The following TBR1 variants were observed in gnomAD, a reference collection of about 807,000 sequenced individuals.
TBR1 encodes the protein T-box brain transcription factor 1.
A neutral mutation model predicts 60.3 loss-of-function variants in TBR1; 7 were observed. That is an observed-to-expected ratio of 0.12 (90% confidence interval 0.07 to 0.22). The LOEUF (loss-of-function observed/expected upper bound fraction) is 0.22, where lower values mean the gene tolerates loss of function less well. TBR1 is among the 10% of genes least tolerant of loss of function. The pLI, the probability that TBR1 is intolerant of heterozygous loss-of-function variation, is 1.00. For missense variants in TBR1, 616 were observed against 936.8 expected (o/e 0.66, Z 4.47); for synonymous variants, 417 against 409.9 (o/e 1.02, Z -0.21).
intron 5 of TBR1, chr2:161,420,657 C>T (rs1202071273): frequency 6.4e-6 from 1 of 155,450 alleles, no homozygotes; most frequent in African/African-American, 2.4e-5. Flanking sequence ...CTATGTCTGT[C>T]TGAAACGGGC....
At chr2:161,419,383 CTCTT>C in intron 4 of TBR1, 1 of 192,922 alleles carries the variant, frequency 5.2e-6, no homozygotes, top group Non-Finnish European at 1.0e-5. Flanking sequence ...AAAAAATTCT[CTCTT>C]TCCTTTAGAA....
chr2:161,417,508 A>T lies in TBR1; in HGVS notation c.693-168A>T. On this transcript the variant is annotated intron_variant, in intron 1 of 5. Transcript: ENST00000389554. The surrounding 1 kb of genome is among the most constrained non-coding windows in gnomAD (Gnocchi z 5.3). Reference sequence around the variant, plus strand: ...CGCCGCTCTCCCTGATTTGGGTTGCACTTCTTTTCTTCTCCCACCACCCTT... The same window carrying T: ...CGCCGCTCTCCCTGATTTGGGTTGCTCTTCTTTTCTTCTCCCACCACCCTT... 1 of 875,192 alleles carries T rather than the reference A, an allele frequency of 1.1e-6. No individual in the cohort carries two copies. Among genetic ancestry groups the T allele is most frequent in the Non-Finnish European group, 1.7e-6 (1 of 581,784 alleles). The allele number at this position is 875,192 out of a possible 1,614,324, so 54.2% of individuals were successfully genotyped here. A position where few individuals can be genotyped will look rare whatever the true frequency, so the allele number is the denominator to read the frequency against.
rs184929984 is a variant in TBR1 at position 161,420,392 on chromosome 2, C to T, written c.1190+135C>T. The T allele has an allele frequency of 6.4e-4, 180 of 279,330 alleles. 1 individual carries two copies. Among genetic ancestry groups the T allele is most frequent in the African/African-American group, 3.5e-3 (147 of 41,666 alleles). 17.3% of individuals were successfully genotyped at this position (279,330 alleles called of 1,614,324 possible). On this transcript the variant is annotated intron_variant, in intron 5 of 5. Coordinates refer to ENST00000389554, the MANE Select transcript of TBR1 (RefSeq NM_006593.4). ...TTGTTTTAGAGGACTTCTTCTTCTTCGTCTTTCTTCTTTCTTCTTCCTCTT... is the reference window on the plus strand; with the variant it reads ...TTGTTTTAGAGGACTTCTTCTTCTTTGTCTTTCTTCTTTCTTCTTCCTCTT...
intron 4 of TBR1, 68 bp downstream of exon 4, chr2:161,419,118 C>T: frequency 6.2e-7 from 1 of 1,606,182 alleles, no homozygotes; most frequent in South Asian, 1.1e-5. Context: ...CTCACATTCT[C>T]CCGCCATGCA....
In TBR1 at chr2:161,425,380, T is replaced by C. The variant is rs1435917668; in HGVS notation, c.*1153T>C. ...TATAGTGTAGTCTAGTGAAGATGAA[T>C]TGTGTGAGTTGTATATTTTACTGCA... On this transcript the variant is annotated 3_prime_UTR_variant, in exon 6 of 6. Coordinates refer to ENST00000389554, the MANE Select transcript of TBR1 (RefSeq NM_006593.4). 6.6e-6 allele frequency: 1 copy of C among 152,196 alleles called. No homozygotes were observed. The highest frequency in any genetic ancestry group is 1.5e-5 in the Non-Finnish European group (1 of 68,026). 9.4% of individuals were successfully genotyped at this position (152,196 alleles called of 1,614,324 possible).
rs983035174 is a variant in TBR1, at chr2:161,417,262, C to A, written c.692+160C>A. 4.1e-6 allele frequency: 3 copies of A among 731,498 alleles called. No homozygotes were observed. Among genetic ancestry groups the A allele is most frequent in the South Asian group, 1.9e-5 (1 of 51,696 alleles). 45.3% of individuals were successfully genotyped at this position (731,498 alleles called of 1,614,324 possible). ...AAAGGGGGAAAGTGGAAGGGATAAC[C>A]GCCAGGGTGATGTTGGTGGGGGGGA... On this transcript the variant is annotated intron_variant, in intron 1 of 5. Transcript: ENST00000389554. This position sits in a 1 kb window ranked among gnomAD's most constrained non-coding sequence, Gnocchi z 5.3.
In TBR1 at chr2:161,416,578, C is replaced by T. The variant is rs769145823; in HGVS notation, c.168C>T (p.Thr56=). 4 of 1,614,158 alleles carry T rather than the reference C, an allele frequency of 2.5e-6. No individual in the cohort carries two copies. The East Asian group carries it at 8.9e-5, about 36-fold the overall frequency. ...GAAGTTCACCTTTGAAAAAAATTAC[C>T]AGGGGGATGACGAATCAGTCAGATA... ...LERSSPLKKI[T]RGMTNQSDTD... Residue 56 remains threonine, a synonymous_variant, in exon 1 of 6, where the codon ACC becomes ACT. Coordinates refer to ENST00000389554, the MANE Select transcript of TBR1 (RefSeq NM_006593.4). This position sits in a 1 kb window ranked among gnomAD's most constrained non-coding sequence, Gnocchi z 6.1.
At position 161,419,210 on chromosome 2, in the gene TBR1, A is replaced by T. The variant is rs969991868; in HGVS notation, c.1128+160A>T. ...AAGGCTTAGGGCTCGGGGCCTGCCC[A>T]CGGCACCTTTCCTAAATACCAAGCC... On this transcript the variant is annotated intron_variant, in intron 4 of 5. Coordinates refer to ENST00000389554, the MANE Select transcript of TBR1 (RefSeq NM_006593.4). 3.9e-6 allele frequency: 4 copies of T among 1,038,626 alleles called. No homozygotes were observed. In the African/African-American group the frequency reaches 5.0e-5, roughly 13 times the overall value. The allele number at this position is 1,038,626 out of a possible 1,614,324, so 64.3% of individuals were successfully genotyped here.
Position 161,418,088 on chromosome 2 carries a change from G to GTGTGTGTA in TBR1, c.848-105_848-98dup, listed in dbSNP as rs1223231563. On this transcript the variant is annotated intron_variant, in intron 2 of 5. Transcript: ENST00000389554. ...TTAATGGGCTTCATGGTGGAGTAAG[G>GTGTGTGTA]TGTGTGTATGTGTGTGTGTGTGTGT... 5 of 1,443,392 alleles carry GTGTGTGTA rather than the reference G, an allele frequency of 3.5e-6. No individual in the cohort carries two copies. In the African/African-American group the frequency reaches 6.7e-5, roughly 19 times the overall value. 89.4% of individuals were successfully genotyped at this position (1,443,392 alleles called of 1,614,324 possible).
In TBR1 at chr2:161,420,272, ATC is replaced by A; in HGVS notation, c.1190+17_1190+18del. ...AATTATGACACGTAAGTAACTTTGT[ATC>A]TTCCTTTTCAAATAGCTGTGGAATT... On this transcript the variant is annotated intron_variant, in intron 5 of 5. Coordinates refer to ENST00000389554, the MANE Select transcript of TBR1 (RefSeq NM_006593.4). The A allele has an allele frequency of 1.2e-6, 2 of 1,608,794 alleles. No individual in the cohort carries two copies. Among genetic ancestry groups the A allele is most frequent in the Non-Finnish European group, 1.7e-6 (2 of 1,175,700 alleles).
In TBR1 at chr2:161,416,302, C is replaced by T. The variant is rs557006925; in HGVS notation, c.-109C>T. 2.1e-5 allele frequency: 19 copies of T among 883,770 alleles called. No homozygotes were observed. Among genetic ancestry groups the T allele is most frequent in the Non-Finnish European group, 2.6e-5 (15 of 576,166 alleles). The allele number at this position is 883,770 out of a possible 1,614,324, so 54.7% of individuals were successfully genotyped here. A position where few individuals can be genotyped will look rare whatever the true frequency, so the allele number is the denominator to read the frequency against. ...AAATCAAACCTTTGAGAAGCATTTG[C>T]TGGTTGAAGTGCTTTCTGTCTAGTG... On this transcript the variant is annotated 5_prime_UTR_variant, in exon 1 of 6. Transcript: ENST00000389554. This position sits in a 1 kb window ranked among gnomAD's most constrained non-coding sequence, Gnocchi z 6.1.
Position 161,417,310 on chromosome 2 carries a change from G to A in TBR1, c.692+208G>A, listed in dbSNP as rs1684140300. 12 of 611,002 alleles carry A rather than the reference G, an allele frequency of 2.0e-5. No homozygotes were observed. Among genetic ancestry groups the A allele is most frequent in the Non-Finnish European group, 1.7e-5 (6 of 358,160 alleles). 37.8% of individuals were successfully genotyped at this position (611,002 alleles called of 1,614,324 possible). A position where few individuals can be genotyped will look rare whatever the true frequency, so the allele number is the denominator to read the frequency against. On this transcript the variant is annotated intron_variant, in intron 1 of 5. Coordinates refer to ENST00000389554, the MANE Select transcript of TBR1 (RefSeq NM_006593.4). The surrounding 1 kb of genome is among the most constrained non-coding windows in gnomAD (Gnocchi z 5.3). ...GGACCCCGTTCTAGGAACATAGTGG[G>A]AGAGCCAGTCAGTGGCCAGAGGAAG...
chr2:161,418,523 A>G (rs1559060748), intron 3 of TBR1: 2 of 757,448 alleles, frequency 2.6e-6, no homozygotes, highest in South Asian at 2.1e-5. Context: ...CGTCGGCCCA[A>G]TTTTGGAGTG....
chr2:161,417,377 G>A lies in TBR1; in HGVS notation c.692+275G>A, dbSNP rs557628474. ...GCCCTGGCCAGCGGCTGGGCGATGGGAGGGACGCATCAACACTGGCATGCA... is the reference window on the plus strand; with the variant it reads ...GCCCTGGCCAGCGGCTGGGCGATGGAAGGGACGCATCAACACTGGCATGCA... On this transcript the variant is annotated intron_variant, in intron 1 of 5. Transcript: ENST00000389554. The surrounding 1 kb of genome is among the most constrained non-coding windows in gnomAD (Gnocchi z 5.3). 202 of 558,456 alleles carry A rather than the reference G, an allele frequency of 3.6e-4. 3 individuals carry two copies. The South Asian group carries it at 4.6e-3, about 13-fold the overall frequency. 34.6% of individuals were successfully genotyped at this position (558,456 alleles called of 1,614,324 possible).
In TBR1 at chr2:161,425,658, TG is replaced by T. The variant is rs1186730397; in HGVS notation, c.*1437del. Reference sequence around the variant, plus strand: ...AATATTCAATCTAGATTCCAGTCCATGGGGGGATTTTTCCTAATAGGAATTC... The same window carrying T: ...AATATTCAATCTAGATTCCAGTCCATGGGGGATTTTTCCTAATAGGAATTC... On this transcript the variant is annotated 3_prime_UTR_variant, in exon 6 of 6. Transcript: ENST00000389554. 7.2e-5 allele frequency: 11 copies of T among 152,314 alleles called. No individual in the cohort carries two copies. The South Asian group carries it at 1.2e-3, about 17-fold the overall frequency. The allele number at this position is 152,314 out of a possible 1,614,324, so 9.4% of individuals were successfully genotyped here. A position where few individuals can be genotyped will look rare whatever the true frequency, so the allele number is the denominator to read the frequency against.
chr2:161,421,967 A>ACACACACACACACACACAC (rs1559061874), intron 5 of TBR1: 2 of 76,210 alleles, frequency 2.6e-5, no homozygotes, highest in Non-Finnish European at 5.8e-5. Flanking sequence ...CACACACACA[A>ACACACACACACACACACAC]ACCTGAGATT....
At chr2:161,420,389 C>CTTCGTCTT in intron 5 of TBR1, 132 bp downstream of exon 5, 1 of 290,080 alleles carries the variant, frequency 3.4e-6, no homozygotes, top group Non-Finnish European at 6.2e-6. Flanking sequence ...ACTTCTTCTT[C>CTTCGTCTT]TTCGTCTTTC....
rs1253926487 is a variant in TBR1, at chr2:161,423,819, C to T, written c.1641C>T (p.Ala547=). The T allele has an allele frequency of 6.8e-7, 1 of 1,474,712 alleles. No homozygotes were observed. The highest frequency in any genetic ancestry group is 2.3e-5 in the Admixed American group (1 of 43,626). 91.4% of individuals were successfully genotyped at this position (1,474,712 alleles called of 1,614,324 possible). Residue 547 remains alanine (A), a synonymous_variant, in exon 6 of 6, where the codon GCC becomes GCT. Transcript: ENST00000389554. ...ACGCCGACCCGTCGGGCTGGGGCGCCCGCAGTCCCCCGCAGTACTGCGGCA... is the reference window on the plus strand; with the variant it reads ...ACGCCGACCCGTCGGGCTGGGGCGCTCGCAGTCCCCCGCAGTACTGCGGCA... ...GYYADPSGWG[A]RSPPQYCGTK... is the part of the protein sequence containing the mutation.
rs376084130 is a variant in TBR1, at chr2:161,424,101, G to T, written c.1923G>T (p.Ser641=). ...IYEQAKRRRI[S]PADTPVSESS... ...AGCAGGCCAAGCGGAGGCGGATCTC[G>T]CCGGCCGACACGCCCGTGTCCGAGA... Residue 641 remains serine (S), a synonymous_variant, in exon 6 of 6, where the codon TCG becomes TCT. Coordinates refer to ENST00000389554, the MANE Select transcript of TBR1 (RefSeq NM_006593.4). This position sits in a 1 kb window ranked among gnomAD's most constrained non-coding sequence, Gnocchi z 4.4. 7 of 1,611,710 alleles carry T rather than the reference G, an allele frequency of 4.3e-6. No individual in the cohort carries two copies. In the African/African-American group the frequency reaches 9.3e-5, roughly 22 times the overall value.
Sources: gnomAD v4.1 joint callset for allele counts on GRCh38, gnomAD v4.1.1 for gene constraint, Gnocchi (gnomAD v3.1) non-coding constraint, MANE v1.5 for transcripts, NCBI Gene and HGNC (gene_info 2026-07-23, HGNC 2026-07-21) for gene names.